Variants in PCDHGA8 observed in about 807,000 individuals in gnomAD.
PCDHGA8 encodes the protein protocadherin gamma-A8.
PCDHGA8 carries 45 observed loss-of-function variants against 59.2 expected under a neutral mutation model. That is an observed-to-expected ratio of 0.76 (90% CI 0.60 to 0.98). PCDHGA8 has a LOEUF of 0.98. Ranked by LOEUF, PCDHGA8 falls within the 50% of genes least tolerant of loss-of-function variation. PCDHGA8 has a pLI of 0.00. For missense variants in PCDHGA8, 1,257 were observed against 1,196.2 expected (o/e 1.05, Z -0.75); for synonymous variants, 531 against 519.0 (o/e 1.02, Z -0.32).
At chr5:141,403,638 A>C in intron 1 of PCDHGA8, 1 of 1,613,906 alleles carries the variant, frequency 6.2e-7, no homozygotes, top group East Asian at 2.2e-5. Context: ...GTGCGCATCC[A>C]TGTGACAGTG....
chr5:141,486,168 A>C lies in PCDHGA8; in HGVS notation c.2425-8639A>C, dbSNP rs774913463. 6.2e-7 allele frequency: 1 copy of C among 1,614,196 alleles called. No homozygotes were observed. Among genetic ancestry groups the C allele is most frequent in the South Asian group, 1.1e-5 (1 of 91,084 alleles). On this transcript the variant is annotated intron_variant, in intron 1 of 3. Transcript: ENST00000398604. The surrounding 1 kb of genome is among the most constrained non-coding windows in gnomAD (Gnocchi z 5.0). ...GATGGGGGTTCTCCAGCCATGGAGC[A>C]ACATTGCAGCCTTCGAGTGGATCTG...
At position 141,432,069 on chromosome 5, in the gene PCDHGA8, A is replaced by G. The variant is rs572724741; in HGVS notation, c.2424+36832A>G. On this transcript the variant is annotated intron_variant, in intron 1 of 3. Transcript: ENST00000398604. The surrounding 1 kb of genome is among the most constrained non-coding windows in gnomAD (Gnocchi z 6.0). ...ACCCCGCCCCTATCCACGGAAACTC[A>G]TATCTCGCTGAACGTGGCAGACACC... 646 of 1,614,168 alleles carry G rather than the reference A, an allele frequency of 4.0e-4. 5 individuals are homozygous for G. In the South Asian group the frequency reaches 6.9e-3, roughly 17 times the overall value.
chr5:141,473,382 C>A (rs780229708), intron 1 of PCDHGA8, among the ~76,000 whole-genome samples: 12 of 152,190 alleles, frequency 7.9e-5, no homozygotes, highest in Non-Finnish European at 1.8e-4. Context: ...TGGTCCCTGC[C>A]CTCCTGGAGC....
chr5:141,473,260 G>T (rs2099318007), intron 1 of PCDHGA8, among the ~76,000 whole-genome samples: 1 of 152,148 alleles, frequency 6.6e-6, no homozygotes, highest in South Asian at 2.1e-4. Flanking sequence ...ATAGTCCTTA[G>T]TGTATGCTAT....
chr5:141,511,084 C>G lies in PCDHGA8; in HGVS notation c.2710C>G (p.Leu904Val). 1 of 1,614,236 alleles carries G rather than the reference C, an allele frequency of 6.2e-7. No homozygotes were observed. Among genetic ancestry groups the G allele is most frequent in the Non-Finnish European group, 8.5e-7 (1 of 1,180,030 alleles). The change falls in exon 4 of 4, where the codon CTG becomes GTG. Residue 904 changes from leucine (L) to valine (V), a missense_variant. Leu to Val is a conservative substitution (Grantham distance 32). Coordinates refer to ENST00000398604, the MANE Select transcript of PCDHGA8 (RefSeq NM_032088.2). Reference sequence around the variant, plus strand: ...CTACATCCCAGGCAGCAATGCCACACTGACCAACGCAGCTGGCAAGCGGGA... The same window carrying G: ...CTACATCCCAGGCAGCAATGCCACAGTGACCAACGCAGCTGGCAAGCGGGA... ...NVYIPGSNAT[L>V]TNAAGKRDGK...
intron 1 of PCDHGA8, chr5:141,403,040 C>T: frequency 1.2e-6 from 2 of 1,614,068 alleles, no homozygotes; most frequent in Non-Finnish European, 1.7e-6. Context: ...CAGGGCCAGT[C>T]AGATTCGCTA....
At chr5:141,422,446 A>G in intron 1 of PCDHGA8, 1 of 1,610,700 alleles carries the variant, frequency 6.2e-7, no homozygotes, top group South Asian at 1.1e-5. Context: ...CAAATTGATA[A>G]CAAGCAGAGT....
chr5:141,494,745 G>C, intron 1 of PCDHGA8, 62 bp from the exon 2 acceptor site: 1 of 1,612,802 alleles, frequency 6.2e-7, no homozygotes, highest in Middle Eastern at 1.7e-4. Flanking sequence ...ATCCCTAGGG[G>C]CTCGGGTGAC....
chr5:141,497,374 T>C (rs2099776044), intron 2 of PCDHGA8, among the ~76,000 whole-genome samples: 1 of 152,112 alleles, frequency 6.6e-6, no homozygotes, highest in Non-Finnish European at 1.5e-5. Flanking sequence ...ATGTGTCCTC[T>C]GGGGTGAGCA....
In PCDHGA8 at chr5:141,394,192, A is replaced by G; in HGVS notation, c.1379A>G (p.Tyr460Cys). 1.9e-6 allele frequency: 3 copies of G among 1,613,840 alleles called. No homozygotes were observed. Among genetic ancestry groups the G allele is most frequent in the East Asian group, 2.2e-5 (1 of 44,852 alleles). Residue 460 changes from tyrosine (Y) to cysteine (C), a missense_variant, in exon 1 of 4, where the codon TAT becomes TGT. Transcript: ENST00000398604. Reference protein sequence around the residue: ...PTFPHASYSAYILENNLRGAS... With the variant: ...PTFPHASYSACILENNLRGAS... Reference sequence around the variant, plus strand: ...TTCCCTCATGCCTCCTACTCAGCGTATATCCTAGAGAACAACCTGAGAGGA... The same window carrying G: ...TTCCCTCATGCCTCCTACTCAGCGTGTATCCTAGAGAACAACCTGAGAGGA...
chr5:141,420,454 TATTCAAAGAC>T, intron 1 of PCDHGA8: 1 of 968,104 alleles, frequency 1.0e-6, no homozygotes, highest in Admixed American at 3.7e-5. Context: ...GTCTTCCTAC[TATTCAAAGAC>T]ATTTTAAAGC....
intron 1 of PCDHGA8, among the ~76,000 whole-genome samples, chr5:141,472,445 C>T (rs2099280467): frequency 6.6e-6 from 1 of 151,956 alleles, no homozygotes; most frequent in Non-Finnish European, 1.5e-5. Flanking sequence ...GAGGCTGAGG[C>T]AGGAGAATCG....
At chr5:141,458,028 G>A (rs1363025110) in intron 1 of PCDHGA8, among the ~76,000 whole-genome samples, 2 of 152,122 alleles carry the variant, frequency 1.3e-5, no homozygotes, top group African/African-American at 4.8e-5. Flanking sequence ...ATTGTGTTCT[G>A]TTGACAAAGA....
intron 1 of PCDHGA8, chr5:141,399,213 T>G (rs2093770836): frequency 6.2e-7 from 1 of 1,613,970 alleles, no homozygotes; most frequent in East Asian, 2.2e-5. Context: ...GAACACTAAT[T>G]GCTTTGATCA....
chr5:141,511,489 A>G lies in PCDHGA8; in HGVS notation c.*316A>G. 2.3e-6 allele frequency: 1 copy of G among 435,688 alleles called. No individual in the cohort carries two copies. Among genetic ancestry groups the G allele is most frequent in the Non-Finnish European group, 4.2e-6 (1 of 239,908 alleles). The allele number at this position is 435,688 out of a possible 1,614,324, so 27.0% of individuals were successfully genotyped here. ...CGTTTAGTTACAGCTGAACTCCTCC[A>G]TCTTCCAAATCAATCAGGCCCATCC... On this transcript the variant is annotated 3_prime_UTR_variant, in exon 4 of 4. Coordinates refer to ENST00000398604, the MANE Select transcript of PCDHGA8 (RefSeq NM_032088.2).
At chr5:141,419,204 GC>G (rs2096344015) in intron 1 of PCDHGA8, 9 of 1,613,916 alleles carry the variant, frequency 5.6e-6, no homozygotes, top group Non-Finnish European at 7.6e-6. Context: ...CAATGACAAC[GC>G]GCCGGTTTTC....
At chr5:141,500,045 T>C (rs2099796072) in intron 2 of PCDHGA8, among the ~76,000 whole-genome samples, 1 of 152,062 alleles carries the variant, frequency 6.6e-6, no homozygotes, top group South Asian at 2.1e-4. Flanking sequence ...CTTAAGTATC[T>C]TAATGCTCTT....
chr5:141,492,619 G>A lies in PCDHGA8; in HGVS notation c.2425-2188G>A, dbSNP rs778698501. ...GCGACTGCCGCTCTAAGTGCCGGGC[G>A]GGCAGGACTCTACGATCCTTGGGCC... On this transcript the variant is annotated intron_variant, in intron 1 of 3. Coordinates refer to ENST00000398604, the MANE Select transcript of PCDHGA8 (RefSeq NM_032088.2). 7.8e-4 allele frequency among the ~76,000 whole-genome samples: 118 copies of A among 152,234 alleles called. 1 individual carries two copies. The highest frequency in any genetic ancestry group is 3.3e-3 in the Admixed American group (51 of 15,282).
At chr5:141,495,419 C>A (rs1434107823) in intron 2 of PCDHGA8, among the ~76,000 whole-genome samples, 1 of 152,228 alleles carries the variant, frequency 6.6e-6, no homozygotes, top group Non-Finnish European at 1.5e-5. Context: ...CCGGCCCCTC[C>A]TCCCACTGTC....
Sources: gnomAD v4.1 joint callset for allele counts (sites outside exome capture counted in the v4.1 genomes callset) on GRCh38, gnomAD v4.1.1 for gene constraint, Gnocchi (gnomAD v3.1) non-coding constraint, MANE v1.5 for transcripts, NCBI Gene and HGNC (gene_info 2026-07-23, HGNC 2026-07-21) for gene names.